EIF2AK4: variants seen among roughly 807,000 people sequenced by gnomAD.
EIF2AK4 encodes eukaryotic translation initiation factor 2 alpha kinase 4.
In EIF2AK4, 139 loss-of-function variants were observed where a neutral mutation model predicts 211.1. The ratio of observed to expected loss-of-function variants is 0.66; its 90% confidence interval spans 0.57 to 0.76. The LOEUF is 0.76. Among genes scored for constraint, EIF2AK4 ranks in the 30% least tolerant of loss-of-function variants. The pLI, the probability that EIF2AK4 is intolerant of heterozygous loss-of-function variation, is 0.00. For synonymous variants in EIF2AK4, 710 were observed against 751.3 expected (o/e 0.94, Z 0.90); for missense variants, 1,664 against 2,043.8 (o/e 0.81, Z 3.58).
chr15:39,957,152 G>T (rs189571527), intron 6 of EIF2AK4, among the ~76,000 whole-genome samples: 29 of 152,276 alleles, frequency 1.9e-4, no homozygotes, highest in African/African-American at 5.5e-4. Context: ...TAGAACCTTT[G>T]AATTAAATCA....
intron 11 of EIF2AK4, chr15:39,974,687 C>T (rs948258412): frequency 1.7e-4 from 26 of 152,076 alleles, no homozygotes; most frequent in African/African-American, 5.1e-4. Flanking sequence ...AATTCTTGAA[C>T]GTAGAATAGT....
intron 13 of EIF2AK4, among the ~76,000 whole-genome samples, chr15:39,985,201 C>T (rs533711203): frequency 2.9e-4 from 44 of 152,312 alleles, no homozygotes; most frequent in African/African-American, 1.1e-3. Flanking sequence ...AGGGATGAAG[C>T]TGACTTGGTC....
chr15:40,019,226 A>G (rs759304340), intron 30 of EIF2AK4, 26 bp downstream of exon 30: 3 of 1,506,308 alleles, frequency 2.0e-6, no homozygotes, highest in South Asian at 1.3e-5. Context: ...GCTTCCCAGC[A>G]TACTTCGAGG....
At chr15:40,009,534 T>G in intron 25 of EIF2AK4, 80 bp from the exon 26 acceptor site, 1 of 795,940 alleles carries the variant, frequency 1.3e-6, no homozygotes, top group Non-Finnish European at 2.0e-6. Context: ...GGATGACAAA[T>G]TGGTGGTAAG....
chr15:40,019,050 T>G (rs751321282), intron 29 of EIF2AK4, 43 bp from the exon 30 acceptor site: 25 of 1,410,372 alleles, frequency 1.8e-5, no homozygotes, highest in Middle Eastern at 3.5e-4. Flanking sequence ...AATCACAGTT[T>G]CTTTCCTATT....
chr15:40,022,721 C>A (rs1281727333), intron 32 of EIF2AK4, 116 bp downstream of exon 32: 1 of 805,122 alleles, frequency 1.2e-6, no homozygotes, highest in Non-Finnish European at 2.0e-6. Context: ...CCTCTACTCT[C>A]CCTTTCCATT....
At position 40,032,770 on chromosome 15, in the gene EIF2AK4, A is replaced by T. The variant is rs749116540; in HGVS notation, c.4742A>T (p.Lys1581Ile). The change falls in exon 37 of 39, where the codon AAA becomes ATA. Residue 1581 changes from lysine to isoleucine, a missense_variant. Coordinates refer to ENST00000263791, the MANE Select transcript of EIF2AK4 (RefSeq NM_001013703.4). ...GTGTATTCACAGGTGGATCTACCCA[A>T]AGAAACAATATTACAGTTTTTATCA... Reference protein sequence around the residue: ...EIEILAVDLPKETILQFLSLE... With the variant: ...EIEILAVDLPIETILQFLSLE... The T allele has an allele frequency of 5.0e-6, 8 of 1,613,784 alleles. No individual in the cohort carries two copies. Among genetic ancestry groups the T allele is most frequent in the Non-Finnish European group, 5.1e-6 (6 of 1,179,876 alleles).
At chr15:40,030,981 T>G (rs1162419189) in intron 35 of EIF2AK4, among the ~76,000 whole-genome samples, 1 of 152,214 alleles carries the variant, frequency 6.6e-6, no homozygotes, top group Non-Finnish European at 1.5e-5. Context: ...GGCTTATGCC[T>G]GTAATCCCAG....
At chr15:40,032,374 A>G in intron 36 of EIF2AK4, 137 bp downstream of exon 36, 1 of 686,086 alleles carries the variant, frequency 1.5e-6, no homozygotes, top group Non-Finnish European at 2.5e-6. Context: ...ACTACACGCA[A>G]TTTAAAACTA....
intron 6 of EIF2AK4, among the ~76,000 whole-genome samples, chr15:39,960,970 C>T (rs1047604887): frequency 1.3e-5 from 2 of 152,144 alleles, no homozygotes; most frequent in African/African-American, 4.8e-5. Flanking sequence ...TGTCCATGCA[C>T]GTCATCGAAG....
intron 9 of EIF2AK4, among the ~76,000 whole-genome samples, chr15:39,972,096 C>T (rs909385294): frequency 2.0e-5 from 3 of 152,098 alleles, no homozygotes; most frequent in South Asian, 2.1e-4. Flanking sequence ...CGGTGGCTCA[C>T]GCCTGTAATC....
intron 7 of EIF2AK4, among the ~76,000 whole-genome samples, chr15:39,962,515 G>A (rs2034487176): frequency 6.6e-6 from 1 of 152,150 alleles, no homozygotes; most frequent in Non-Finnish European, 1.5e-5. Context: ...GAGTGGTACA[G>A]TGGCACAATC....
intron 20 of EIF2AK4, among the ~76,000 whole-genome samples, 178 bp from the exon 21 acceptor site, chr15:40,000,810 C>T (rs1357413595): frequency 6.7e-6 from 1 of 148,684 alleles, no homozygotes; most frequent in Non-Finnish European, 1.5e-5. Flanking sequence ...TGTTGCACAA[C>T]TCTGTGGTCA....
At chr15:39,977,745 T>A (rs1233793236) in intron 12 of EIF2AK4, 1 of 172,728 alleles carries the variant, frequency 5.8e-6, no homozygotes, top group Non-Finnish European at 1.2e-5. Context: ...AACCAATAAT[T>A]ATGATCCTAA....
intron 23 of EIF2AK4, among the ~76,000 whole-genome samples, chr15:40,006,755 A>T (rs2035167230): frequency 6.6e-6 from 1 of 152,136 alleles, no homozygotes; most frequent in Admixed American, 6.5e-5. Flanking sequence ...AGTGAATTTT[A>T]AAAAAAACCT....
At position 40,016,690 on chromosome 15, in the gene EIF2AK4, T is replaced by C. The variant is rs1410243436; in HGVS notation, c.3930+18T>C. On this transcript the variant is annotated intron_variant, in intron 28 of 38. Coordinates refer to ENST00000263791, the MANE Select transcript of EIF2AK4 (RefSeq NM_001013703.4). ...AGTTACAGGTTTGGCAACAGTTTGA[T>C]ACTGGCAGTACAAATGTGTAGCATT... The C allele has an allele frequency of 1.9e-6, 3 of 1,612,718 alleles. No homozygotes were observed. The highest frequency in any genetic ancestry group is 2.7e-5 in the African/African-American group (2 of 74,910).
At chr15:39,947,501 T>A (rs76454817) in intron 3 of EIF2AK4, among the ~76,000 whole-genome samples, 14 of 152,246 alleles carry the variant, frequency 9.2e-5, no homozygotes, top group African/African-American at 2.9e-4. Context: ...TTTATTTTTT[T>A]ATTAATTTAC....
chr15:39,955,911 C>CT, intron 6 of EIF2AK4, 143 bp downstream of exon 6: 13 of 726,736 alleles, frequency 1.8e-5, no homozygotes, highest in Non-Finnish European at 2.4e-5. Context: ...AATATATTAG[C>CT]AATATATTAG....
intron 14 of EIF2AK4, 109 bp downstream of exon 14, chr15:39,985,997 C>A: frequency 1.2e-6 from 1 of 863,208 alleles, no homozygotes; most frequent in Non-Finnish European, 1.8e-6. Context: ...CTTATTGCCA[C>A]TACCAAAGAT....
Sources: allele counts gnomAD v4.1 joint callset (sites outside exome capture counted in the v4.1 genomes callset), GRCh38; gene constraint gnomAD v4.1.1; transcripts MANE v1.5; gene names NCBI Gene and HGNC (gene_info 2026-07-23, HGNC 2026-07-21).